WWOX: variants seen among roughly 807,000 people sequenced by gnomAD.
WWOX encodes WW domain-containing oxidoreductase.
WWOX carries 69 observed loss-of-function variants against 46.2 expected under a neutral mutation model. That is an observed-to-expected ratio of 1.49 (90% CI 1.23 to 1.82). The LOEUF is 1.82. Among genes scored for constraint, WWOX ranks in the 40% most tolerant of loss-of-function variants. The pLI, the probability that WWOX is intolerant of heterozygous loss-of-function variation, is 0.00. For missense variants in WWOX, 919 were observed against 542.6 expected, an observed-to-expected ratio of 1.69 and a Z score of -6.89; for synonymous variants, 359 against 202.6, an observed-to-expected ratio of 1.77 and a Z score of -6.56.
At chr16:79,045,982 A>G (rs932886981) in intron 8 of WWOX, among the ~76,000 whole-genome samples, 4 of 151,220 alleles carry the variant, frequency 2.6e-5, no homozygotes, top group African/African-American at 9.7e-5. Context: ...TTGTATTTTT[A>G]GTAGAGACGG....
chr16:79,094,741 G>C (rs1214047459), intron 8 of WWOX, among the ~76,000 whole-genome samples: 1 of 151,950 alleles, frequency 6.6e-6, no homozygotes, highest in Non-Finnish European at 1.5e-5. Flanking sequence ...CCTGGAATGA[G>C]GAATAACAAC....
chr16:78,728,970 A>G (rs996089474), intron 8 of WWOX, among the ~76,000 whole-genome samples: 5 of 152,146 alleles, frequency 3.3e-5, no homozygotes, highest in African/African-American at 1.2e-4. Context: ...TTCCTAAGTG[A>G]GAAACGTTGG....
chr16:78,262,164 C>A (rs1310322793), intron 5 of WWOX, among the ~76,000 whole-genome samples: 1 of 140,106 alleles, frequency 7.1e-6, no homozygotes, highest in African/African-American at 2.7e-5. Context: ...GGGTGAATTA[C>A]AAATAGTACC....
intron 8 of WWOX, among the ~76,000 whole-genome samples, chr16:78,662,120 TG>T (rs1261576236): frequency 6.6e-6 from 1 of 152,084 alleles, no homozygotes; most frequent in Non-Finnish European, 1.5e-5. Context: ...GCCCTGACTT[TG>T]GGGTTTGCAG....
chr16:78,858,987 C>T (rs1386796143), intron 8 of WWOX, among the ~76,000 whole-genome samples: 2 of 105,746 alleles, frequency 1.9e-5, no homozygotes, highest in Non-Finnish European at 3.5e-5. Flanking sequence ...CCAATATCTA[C>T]TAGTTTTGAA....
chr16:78,751,352 A>C (rs1364771710), intron 8 of WWOX, among the ~76,000 whole-genome samples: 1 of 150,200 alleles, frequency 6.7e-6, no homozygotes, highest in African/African-American at 2.4e-5. Context: ...AACCAAAAAA[A>C]AGAAACAGAG....
intron 8 of WWOX, among the ~76,000 whole-genome samples, chr16:78,831,797 A>G (rs1204984862): frequency 6.6e-6 from 1 of 152,218 alleles, no homozygotes; most frequent in East Asian, 1.9e-4. Context: ...TTTACTGAGC[A>G]TCTATCTGTA....
At chr16:78,510,502 C>T (rs371581666) in intron 8 of WWOX, among the ~76,000 whole-genome samples, 7 of 152,238 alleles carry the variant, frequency 4.6e-5, no homozygotes, top group East Asian at 1.9e-4. Flanking sequence ...CGTGAGCCAC[C>T]GTGCCGGCCA....
chr16:78,805,649 A>C (rs547048094), intron 8 of WWOX, among the ~76,000 whole-genome samples: 1 of 152,276 alleles, frequency 6.6e-6, no homozygotes, highest in South Asian at 2.1e-4. Context: ...GGATTTTTAG[A>C]TTAATCACTG....
chr16:78,423,195 A>G (rs1053387658), intron 6 of WWOX, among the ~76,000 whole-genome samples: 6 of 152,052 alleles, frequency 3.9e-5, no homozygotes, highest in African/African-American at 1.4e-4. Context: ...TTATTTTTAT[A>G]TATCTTCCAT....
At chr16:78,725,751 G>A (rs1245349371) in intron 8 of WWOX, among the ~76,000 whole-genome samples, 1 of 152,024 alleles carries the variant, frequency 6.6e-6, no homozygotes, top group Non-Finnish European at 1.5e-5. Context: ...GCACAGCCAC[G>A]TTCTTTCTGA....
At chr16:78,907,581 G>A (rs988245744) in intron 8 of WWOX, among the ~76,000 whole-genome samples, 9 of 152,102 alleles carry the variant, frequency 5.9e-5, no homozygotes, top group East Asian at 5.8e-4. Flanking sequence ...GACTAAGGGC[G>A]GTCTGAAGGT....
chr16:79,163,071 C>G (rs921253028), intron 8 of WWOX, among the ~76,000 whole-genome samples: 3 of 152,184 alleles, frequency 2.0e-5, no homozygotes, highest in Admixed American at 6.5e-5. Context: ...AGGATGAGGC[C>G]TCTTTGTCAA....
At chr16:78,357,180 A>G (rs1390649671) in intron 5 of WWOX, among the ~76,000 whole-genome samples, 1 of 152,164 alleles carries the variant, frequency 6.6e-6, no homozygotes, top group Non-Finnish European at 1.5e-5. Context: ...GATGTTTGAG[A>G]GTACTCCTTA....
chr16:79,028,158 C>T (rs1597298238), intron 8 of WWOX, among the ~76,000 whole-genome samples: 1 of 151,668 alleles, frequency 6.6e-6, no homozygotes, highest in African/African-American at 2.4e-5. Flanking sequence ...ACCGTGTTAC[C>T]CAGGATGGTC....
intron 5 of WWOX, among the ~76,000 whole-genome samples, chr16:78,359,802 T>C (rs1179287635): frequency 3.3e-5 from 5 of 152,214 alleles, no homozygotes; most frequent in African/African-American, 1.2e-4. Flanking sequence ...ATGATGCCAT[T>C]CCCATCTGGG....
chr16:79,201,588 T>C lies in WWOX; in HGVS notation c.1057-10020T>C, dbSNP rs567317468. On this transcript the variant is annotated intron_variant, in intron 8 of 8. Coordinates refer to ENST00000566780, the MANE Select transcript of WWOX (RefSeq NM_016373.4). ...AATGCATTTACACTGAAGCATCATA[T>C]TTGGGAAAAACATCTTCAAACGCAA... Among the ~76,000 whole-genome samples the C allele has an allele frequency of 1.3e-4, 20 of 152,304 alleles. 1 individual carries two copies. The South Asian group carries it at 3.5e-3, about 27-fold the overall frequency.
intron 8 of WWOX, among the ~76,000 whole-genome samples, chr16:78,908,520 A>G (rs2045025420): frequency 7.1e-6 from 1 of 139,976 alleles, no homozygotes; most frequent in African/African-American, 2.6e-5. Flanking sequence ...AGCCTGGGCG[A>G]CAGACTGAAA....
intron 5 of WWOX, among the ~76,000 whole-genome samples, chr16:78,285,309 C>T (rs1344159923): frequency 6.6e-6 from 1 of 151,966 alleles, no homozygotes; most frequent in African/African-American, 2.4e-5. Context: ...CTGGGTGGCA[C>T]CCACCTGTAG....
Sources: gnomAD v4.1 joint callset for allele counts (sites outside exome capture counted in the v4.1 genomes callset) on GRCh38, gnomAD v4.1.1 for gene constraint, MANE v1.5 for transcripts, NCBI Gene and HGNC (gene_info 2026-07-23, HGNC 2026-07-21) for gene names.